Variants in GRID1 observed in about 807,000 individuals in gnomAD.
The protein encoded by GRID1 is glutamate receptor ionotropic, delta-1.
In GRID1, 28 loss-of-function variants were observed where a neutral mutation model predicts 98.0. That is an observed-to-expected ratio of 0.29 (90% CI 0.21 to 0.39). The LOEUF is 0.39. GRID1 is among the 10% of genes least tolerant of loss of function. The probability of loss-of-function intolerance (pLI) is 1.00; values close to 1 mark genes in which losing one functional copy is unlikely to be tolerated. For synonymous variants in GRID1, 553 were observed against 538.5 expected (o/e 1.03, Z -0.37); for missense variants, 1,111 against 1,340.5 (o/e 0.83, Z 2.67).
At chr10:85,888,788 CTCTT>C (rs1564619127) in intron 5 of GRID1, among the ~76,000 whole-genome samples, 3 of 152,166 alleles carry the variant, frequency 2.0e-5, no homozygotes, top group South Asian at 2.1e-4. Context: ...TCCTCCCTCT[CTCTT>C]TTTCTTTTCC....
intron 4 of GRID1, among the ~76,000 whole-genome samples, chr10:86,051,003 AG>A (rs977146973): frequency 2.6e-5 from 4 of 151,720 alleles, no homozygotes; most frequent in African/African-American, 4.8e-5. Flanking sequence ...ACTTGAACCC[AG>A]GGGACAGAGG....
chr10:85,662,503 C>G (rs1564551842), intron 12 of GRID1, among the ~76,000 whole-genome samples: 1 of 152,192 alleles, frequency 6.6e-6, no homozygotes, highest in African/African-American at 2.4e-5. Context: ...AACCCTGCCT[C>G]CCTCCGCCCT....
At chr10:85,785,642 A>G (rs1842420940) in intron 8 of GRID1, among the ~76,000 whole-genome samples, 1 of 152,146 alleles carries the variant, frequency 6.6e-6, no homozygotes, top group Non-Finnish European at 1.5e-5. Flanking sequence ...TTCCTTTTTC[A>G]GTGTTCCAGG....
chr10:85,921,406 C>A (rs767349953), intron 4 of GRID1, among the ~76,000 whole-genome samples: 5 of 152,214 alleles, frequency 3.3e-5, no homozygotes, highest in Non-Finnish European at 7.3e-5. Context: ...CCAATCTGAA[C>A]CTCAGGTGCC....
intron 4 of GRID1, among the ~76,000 whole-genome samples, chr10:86,108,060 A>G (rs369221766): frequency 6.6e-6 from 1 of 152,216 alleles, no homozygotes; most frequent in South Asian, 2.1e-4. Flanking sequence ...CAAGCCGCCT[A>G]CAGACAGCAA....
intron 12 of GRID1, among the ~76,000 whole-genome samples, chr10:85,684,310 A>G (rs1178639104): frequency 6.6e-6 from 1 of 152,252 alleles, no homozygotes; most frequent in Admixed American, 6.5e-5. Context: ...GTGATAAAAG[A>G]ATGAAAAACT....
intron 8 of GRID1, among the ~76,000 whole-genome samples, chr10:85,734,856 T>G (rs927063344): frequency 6.6e-6 from 1 of 151,250 alleles, no homozygotes; most frequent in African/African-American, 2.4e-5. Context: ...CAAGAAATAA[T>G]CCAGTGGAAT....
At chr10:85,804,953 A>G (rs938560847) in intron 8 of GRID1, among the ~76,000 whole-genome samples, 1 of 151,696 alleles carries the variant, frequency 6.6e-6, no homozygotes, top group Non-Finnish European at 1.5e-5. Context: ...AGAAAAAACC[A>G]CAGAATGAAA....
chr10:86,038,485 A>G (rs1843301320), intron 4 of GRID1, among the ~76,000 whole-genome samples: 2 of 152,248 alleles, frequency 1.3e-5, no homozygotes, highest in Non-Finnish European at 2.9e-5. Context: ...ACTTAGCCAA[A>G]TGTACAATCA....
Position 86,343,772 on chromosome 10 carries a change from C to T in GRID1, c.235+20169G>A, listed in dbSNP as rs116481176. 7.0e-3 allele frequency among the ~76,000 whole-genome samples: 1,073 copies of T among 152,360 alleles called. 15 individuals are homozygous for T. The highest frequency in any genetic ancestry group is 0.041 in the Middle Eastern group (12 of 294). ...CACCCTGTGTCTGATGAGAGAGAAT[C>T]GCTGTCATGCAGGGGGATGGACAGA... On this transcript the variant is annotated intron_variant, in intron 2 of 15. Coordinates refer to ENST00000327946, the MANE Select transcript of GRID1 (RefSeq NM_017551.3).
At chr10:85,621,673 C>T (rs1472135794) in intron 13 of GRID1, among the ~76,000 whole-genome samples, 1 of 152,118 alleles carries the variant, frequency 6.6e-6, no homozygotes, top group Non-Finnish European at 1.5e-5. Flanking sequence ...AATATTACAC[C>T]AAGGCTTCAG....
intron 4 of GRID1, among the ~76,000 whole-genome samples, chr10:86,063,132 C>T (rs1843671493): frequency 6.6e-6 from 1 of 152,264 alleles, no homozygotes; most frequent in Non-Finnish European, 1.5e-5. Context: ...AACAATGCCA[C>T]TCCCTCTTGT....
chr10:85,802,985 A>G (rs1842591359), intron 8 of GRID1, among the ~76,000 whole-genome samples: 1 of 151,984 alleles, frequency 6.6e-6, no homozygotes, highest in African/African-American at 2.4e-5. Context: ...CACTTCCACC[A>G]TAAATAAAAA....
intron 15 of GRID1, among the ~76,000 whole-genome samples, chr10:85,611,729 G>A (rs1842734676): frequency 6.6e-6 from 1 of 152,170 alleles, no homozygotes; most frequent in African/African-American, 2.4e-5. Flanking sequence ...AGCAGGTGAA[G>A]GGTGCACACT....
At chr10:86,328,883 C>A (rs997730005) in intron 2 of GRID1, among the ~76,000 whole-genome samples, 1 of 152,108 alleles carries the variant, frequency 6.6e-6, no homozygotes, top group Non-Finnish European at 1.5e-5. Flanking sequence ...CCAGGACCCC[C>A]GGGTCACCCC....
intron 13 of GRID1, among the ~76,000 whole-genome samples, chr10:85,630,093 TCAA>T (rs1842958795): frequency 1.3e-5 from 2 of 152,220 alleles, no homozygotes; most frequent in Non-Finnish European, 2.9e-5. Flanking sequence ...CTCAAACAAC[TCAA>T]CAACAGCAAC....
intron 4 of GRID1, among the ~76,000 whole-genome samples, chr10:85,971,114 A>G (rs892978857): frequency 1.3e-5 from 2 of 152,086 alleles, no homozygotes; most frequent in Non-Finnish European, 2.9e-5. Flanking sequence ...CAAATTTAGG[A>G]ATAAAAATAA....
intron 2 of GRID1, among the ~76,000 whole-genome samples, chr10:86,312,562 T>C (rs1169907000): frequency 6.6e-6 from 1 of 152,174 alleles, no homozygotes; most frequent in Non-Finnish European, 1.5e-5. Context: ...GCCAGTGAAA[T>C]AGGAAGCAGT....
At chr10:85,663,669 A>G (rs1840990241) in intron 12 of GRID1, among the ~76,000 whole-genome samples, 1 of 152,176 alleles carries the variant, frequency 6.6e-6, no homozygotes, top group South Asian at 2.1e-4. Flanking sequence ...CTGCCACTCC[A>G]TGAAGGTGGA....
Sources: allele counts gnomAD v4.1 joint callset (sites outside exome capture counted in the v4.1 genomes callset), GRCh38; gene constraint gnomAD v4.1.1; transcripts MANE v1.5; gene names NCBI Gene and HGNC (gene_info 2026-07-23, HGNC 2026-07-21).